Variants in PARD3B observed in about 807,000 individuals in gnomAD.
PARD3B encodes partitioning defective 3 homolog B.
A neutral mutation model predicts 130.2 loss-of-function variants in PARD3B; 103 were observed. That is an observed-to-expected ratio of 0.79 (90% CI 0.67 to 0.93). The LOEUF is 0.93. Among genes scored for constraint, PARD3B ranks in the 40% least tolerant of loss-of-function variants. The pLI is 0.00. For synonymous variants in PARD3B, 583 were observed against 553.2 expected (o/e 1.05, Z -0.76); for missense variants, 1,609 against 1,499.2 (o/e 1.07, Z -1.21).
At chr2:205,597,156 ATAAATAG>A (rs752533531) in intron 22 of PARD3B, among the ~76,000 whole-genome samples, 66 of 152,266 alleles carry the variant, frequency 4.3e-4, no homozygotes, top group Non-Finnish European at 7.2e-4. Flanking sequence ...AATAGCGAGC[ATAAATAG>A]GTGGTTTTTC....
intron 10 of PARD3B, among the ~76,000 whole-genome samples, chr2:205,135,965 G>C (rs2032446980): frequency 6.6e-6 from 1 of 152,040 alleles, no homozygotes; most frequent in African/African-American, 2.4e-5. Context: ...AAAGACCAAA[G>C]AACATTTAAT....
At chr2:205,036,368 A>T (rs1232586462) in intron 3 of PARD3B, among the ~76,000 whole-genome samples, 1 of 135,340 alleles carries the variant, frequency 7.4e-6, no homozygotes, top group Non-Finnish European at 1.6e-5. Context: ...TATATATATA[A>T]AATATATATA....
intron 1 of PARD3B, among the ~76,000 whole-genome samples, chr2:204,625,603 A>C (rs553587494): frequency 7.2e-5 from 11 of 152,298 alleles, no homozygotes; most frequent in Admixed American, 6.5e-4. Context: ...TCTTCGTTCC[A>C]ATTAATTAAA....
chr2:205,570,569 C>G (rs1178170047), intron 22 of PARD3B, among the ~76,000 whole-genome samples: 1 of 152,166 alleles, frequency 6.6e-6, no homozygotes, highest in African/African-American at 2.4e-5. Flanking sequence ...ATATATATTT[C>G]CATTCTGGAT....
intron 2 of PARD3B, among the ~76,000 whole-genome samples, chr2:204,822,908 ACTCTT>A (rs1309497007): frequency 1.3e-5 from 2 of 151,996 alleles, no homozygotes; most frequent in African/African-American, 4.8e-5. Flanking sequence ...ATATTGTTAA[ACTCTT>A]CTCTTTAGCT....
intron 19 of PARD3B, among the ~76,000 whole-genome samples, chr2:205,416,705 G>T (rs555773087): frequency 6.6e-6 from 1 of 152,014 alleles, no homozygotes; most frequent in African/African-American, 2.4e-5. Context: ...ATGGAAGATT[G>T]ATGCATTAAA....
In PARD3B at chr2:205,619,861, G is replaced by C. The variant is rs1448482503; in HGVS notation, c.*4048G>C. On this transcript the variant is annotated 3_prime_UTR_variant, in exon 23 of 23. Coordinates refer to ENST00000406610, the MANE Select transcript of PARD3B (RefSeq NM_001302769.2). Reference sequence around the variant, plus strand: ...TCTCCTGACTGGGCTCCTTCAGAAAGTGTTCTCCTGTTCCATCTGTAGGGC... The same window carrying C: ...TCTCCTGACTGGGCTCCTTCAGAAACTGTTCTCCTGTTCCATCTGTAGGGC... 6.6e-6 allele frequency: 1 copy of C among 152,116 alleles called. No individual in the cohort carries two copies. Among genetic ancestry groups the C allele is most frequent in the Admixed American group, 6.6e-5 (1 of 15,258 alleles). 9.4% of individuals were successfully genotyped at this position (152,116 alleles called of 1,614,324 possible).
intron 15 of PARD3B, among the ~76,000 whole-genome samples, chr2:205,200,030 G>GT (rs1052542357): frequency 7.2e-5 from 11 of 151,868 alleles, no homozygotes; most frequent in Admixed American, 1.3e-4. Context: ...GAAATAACTG[G>GT]TGTCTCCTTT....
chr2:204,997,288 A>T (rs371844811), intron 3 of PARD3B, among the ~76,000 whole-genome samples: 1 of 152,312 alleles, frequency 6.6e-6, no homozygotes. Context: ...GCAGAAACCT[A>T]TGAGATTTTG....
chr2:205,235,894 A>T (rs1274218502), intron 15 of PARD3B, among the ~76,000 whole-genome samples: 6 of 152,234 alleles, frequency 3.9e-5, no homozygotes. Context: ...TCAATGCGTT[A>T]GAAAAAATTT....
At chr2:205,365,859 T>A (rs1877345) in intron 18 of PARD3B, among the ~76,000 whole-genome samples, 29,565 of 152,102 alleles carry the variant, frequency 0.19, 3,673 homozygotes, top group African/African-American at 0.36. Context: ...GACAACTGCC[T>A]ATATCGCCAC....
Position 204,907,622 on chromosome 2 carries a change from G to C in PARD3B, c.223-57530G>C, listed in dbSNP as rs541644796. Among the ~76,000 whole-genome samples the C allele has an allele frequency of 7.9e-5, 12 of 152,226 alleles. No individual in the cohort carries two copies. In the South Asian group the frequency reaches 2.5e-3, roughly 32 times the overall value. On this transcript the variant is annotated intron_variant, in intron 2 of 22. Transcript: ENST00000406610. This position sits in a 1 kb window ranked among gnomAD's most constrained non-coding sequence, Gnocchi z 5.7. Reference sequence around the variant, plus strand: ...TTGATCAGTGTTTGGTCATAAAATTGTGTCTCTTTATAGATATTATAAGAC... The same window carrying C: ...TTGATCAGTGTTTGGTCATAAAATTCTGTCTCTTTATAGATATTATAAGAC...
At chr2:205,311,418 G>T (rs895353806) in intron 18 of PARD3B, among the ~76,000 whole-genome samples, 1 of 152,116 alleles carries the variant, frequency 6.6e-6, no homozygotes, top group East Asian at 1.9e-4. Flanking sequence ...GATGATTCGT[G>T]ATATCACTGA....
At position 205,589,328 on chromosome 2, in the gene PARD3B, A is replaced by G. The variant is rs139644243; in HGVS notation, c.3261-26128A>G. ...AATCAATCAAATCCTGAGCCATATC[A>G]CTCTTTTTATCAAATCACTATGCCA... is the stretch of plus-strand genomic sequence containing the variant. On this transcript the variant is annotated intron_variant, in intron 22 of 22. Transcript: ENST00000406610. This position sits in a 1 kb window ranked among gnomAD's most constrained non-coding sequence, Gnocchi z 4.1. Among the ~76,000 whole-genome samples, 8 of 152,192 alleles carry G rather than the reference A, an allele frequency of 5.3e-5. No homozygotes were observed. The highest frequency in any genetic ancestry group is 1.9e-4 in the African/African-American group (8 of 41,522).
At chr2:205,097,696 G>A (rs928273201) in intron 4 of PARD3B, among the ~76,000 whole-genome samples, 3 of 152,138 alleles carry the variant, frequency 2.0e-5, no homozygotes, top group South Asian at 2.1e-4. Flanking sequence ...TCTGATCCAC[G>A]TTAAAGTTTG....
In PARD3B at chr2:205,258,676, G is replaced by A. The variant is rs1019196019; in HGVS notation, c.2185+12854G>A. ...CTTGCTAAATCTTTTTTCTTGATAC[G>A]TCTTTTTGCATATTTTTGCTCTCAA... On this transcript the variant is annotated intron_variant, in intron 16 of 22. Coordinates refer to ENST00000406610, the MANE Select transcript of PARD3B (RefSeq NM_001302769.2). This position sits in a 1 kb window ranked among gnomAD's most constrained non-coding sequence, Gnocchi z 4.9. Among the ~76,000 whole-genome samples the A allele has an allele frequency of 2.0e-5, 3 of 152,086 alleles. No individual in the cohort carries two copies. The highest frequency in any genetic ancestry group is 2.1e-4 in the South Asian group (1 of 4,828).
Position 204,677,656 on chromosome 2 carries a change from C to T in PARD3B, c.121-8525C>T, listed in dbSNP as rs1488426288. On this transcript the variant is annotated intron_variant, in intron 1 of 22. Transcript: ENST00000406610. This position sits in a 1 kb window ranked among gnomAD's most constrained non-coding sequence, Gnocchi z 4.1. ...GAAACGATTCCTTGTTCTGTTCTCA[C>T]ACAGTCCTTGTATTATCATAGCCTA... Among the ~76,000 whole-genome samples the T allele has an allele frequency of 6.6e-6, 1 of 152,196 alleles. No homozygotes were observed. The highest frequency in any genetic ancestry group is 1.5e-5 in the Non-Finnish European group (1 of 68,040).
chr2:205,440,975 T>C lies in PARD3B; in HGVS notation c.3044+303T>C, dbSNP rs1414529102. Among the ~76,000 whole-genome samples the C allele has an allele frequency of 6.6e-6, 1 of 152,208 alleles. No homozygotes were observed. The highest frequency in any genetic ancestry group is 6.5e-5 in the Admixed American group (1 of 15,268). ...AGAAAACTTTGAACGAATATTGTCCTTTCTCCTAAGAGACCAATTGTAAAA... is the reference window on the plus strand; with the variant it reads ...AGAAAACTTTGAACGAATATTGTCCCTTCTCCTAAGAGACCAATTGTAAAA... On this transcript the variant is annotated intron_variant, in intron 20 of 22. Transcript: ENST00000406610. This position sits in a 1 kb window ranked among gnomAD's most constrained non-coding sequence, Gnocchi z 4.2.
intron 1 of PARD3B, among the ~76,000 whole-genome samples, chr2:204,546,488 A>C (rs1327721554): frequency 6.6e-6 from 1 of 152,200 alleles, no homozygotes. Flanking sequence ...GGAACGTCTT[A>C]AAAGGTGCTG....
Sources: gnomAD v4.1 joint callset for allele counts (sites outside exome capture counted in the v4.1 genomes callset) on GRCh38, gnomAD v4.1.1 for gene constraint, Gnocchi (gnomAD v3.1) non-coding constraint, MANE v1.5 for transcripts, NCBI Gene and HGNC (gene_info 2026-07-23, HGNC 2026-07-21) for gene names.